SEC24B: variants seen among roughly 807,000 people sequenced by gnomAD.
SEC24B encodes protein transport protein Sec24B.
A neutral mutation model predicts 142.8 loss-of-function variants in SEC24B; 45 were observed. The observed-to-expected ratio is 0.32, with a 90% CI of 0.25 to 0.40. SEC24B has a LOEUF of 0.40. Among genes scored for constraint, SEC24B ranks in the 10% least tolerant of loss-of-function variants. The probability of loss-of-function intolerance (pLI) is 1.00; values close to 1 mark genes in which losing one functional copy is unlikely to be tolerated. For missense variants in SEC24B, 1,409 were observed against 1,526.8 expected (o/e 0.92, Z 1.29); for synonymous variants, 574 against 568.2 (o/e 1.01, Z -0.15).
chr4:109,522,113 G>T (rs187942238), intron 14 of SEC24B, among the ~76,000 whole-genome samples: 1 of 150,174 alleles, frequency 6.7e-6, no homozygotes, highest in African/African-American at 2.5e-5. Flanking sequence ...GTGCAGTGGC[G>T]CGCTCTCAGC....
At position 109,463,050 on chromosome 4, in the gene SEC24B, T is replaced by A. The variant is rs372557569; in HGVS notation, c.283T>A (p.Tyr95Asn). 2.8e-5 allele frequency: 45 copies of A among 1,614,194 alleles called. No homozygotes were observed. The African/African-American group carries it at 5.5e-4, about 20-fold the overall frequency. The stretch of plus-strand genomic sequence containing the variant: ...GTGTGGTGATTACTACTCTGCTCTC[T>A]ATACAGTACCAACACAAAATGTGAC... ...TQCGDYYSALYTVPTQNVTPN... is the reference protein window; with the variant it reads ...TQCGDYYSALNTVPTQNVTPN... Residue 95 changes from tyrosine to asparagine, a missense_variant, in exon 2 of 24, where the codon TAT becomes AAT. By Grantham distance (143) the Tyr-to-Asn change is moderately radical. Around this residue, in one of 2 missense-constraint regions of SEC24B, gnomAD observed 709 missense variants for 673.5 expected, o/e 1.05. Transcript: ENST00000265175.
chr4:109,522,287 G>A (rs1420650217), intron 14 of SEC24B, among the ~76,000 whole-genome samples: 1 of 151,928 alleles, frequency 6.6e-6, no homozygotes, highest in Admixed American at 6.6e-5. Flanking sequence ...TGCTGACCTC[G>A]TGATCCGCCC....
At chr4:109,534,337 A>G (rs553650855) in intron 22 of SEC24B, among the ~76,000 whole-genome samples, 1 of 152,146 alleles carries the variant, frequency 6.6e-6, no homozygotes, top group South Asian at 2.1e-4. Flanking sequence ...CTGTAATCCA[A>G]GCACTTAAGG....
At chr4:109,523,328 G>C (rs543334756) in intron 14 of SEC24B, among the ~76,000 whole-genome samples, 2 of 152,090 alleles carry the variant, frequency 1.3e-5, no homozygotes, top group East Asian at 3.9e-4. Flanking sequence ...AAATTAGCTG[G>C]GTGCGGTGAT....
chr4:109,528,765 C>G (rs1005001758), intron 18 of SEC24B, among the ~76,000 whole-genome samples: 2 of 152,190 alleles, frequency 1.3e-5, no homozygotes, highest in Non-Finnish European at 2.9e-5. Flanking sequence ...TGAAACAAGC[C>G]TTGCTATTTC....
At chr4:109,512,739 CT>C (rs985431097) in intron 9 of SEC24B, among the ~76,000 whole-genome samples, 3 of 151,002 alleles carry the variant, frequency 2.0e-5, no homozygotes, top group African/African-American at 7.3e-5. Context: ...ACTGCAATCT[CT>C]GCTTTCCAGG....
chr4:109,446,611 A>G (rs1166461123), intron 1 of SEC24B, among the ~76,000 whole-genome samples: 1 of 152,344 alleles, frequency 6.6e-6, no homozygotes, highest in South Asian at 2.1e-4. Flanking sequence ...ATAATGAAAT[A>G]CGATAGATTT....
chr4:109,434,913 A>G (rs1466618496), intron 1 of SEC24B, among the ~76,000 whole-genome samples: 1 of 152,156 alleles, frequency 6.6e-6, no homozygotes, highest in Non-Finnish European at 1.5e-5. Context: ...TAATGCTGAG[A>G]TTTGGAATGT....
At chr4:109,524,464 A>G (rs1723999181) in intron 14 of SEC24B, among the ~76,000 whole-genome samples, 1 of 152,182 alleles carries the variant, frequency 6.6e-6, no homozygotes, top group African/African-American at 2.4e-5. Context: ...CTCATTCTGC[A>G]GCCAGATTTC....
chr4:109,474,865 T>C (rs1732935685), intron 3 of SEC24B, among the ~76,000 whole-genome samples: 1 of 152,252 alleles, frequency 6.6e-6, no homozygotes, highest in South Asian at 2.1e-4. Context: ...ATTTTGAAAG[T>C]AGAAGAAGCT....
chr4:109,527,970 A>G (rs1328210423), intron 18 of SEC24B, among the ~76,000 whole-genome samples: 1 of 152,220 alleles, frequency 6.6e-6, no homozygotes, highest in East Asian at 1.9e-4. Flanking sequence ...TCCTTCAAAT[A>G]ATATATGCAC....
rs766217776 is a variant in SEC24B, at chr4:109,494,618, T to G, written c.1250T>G (p.Met417Arg). 49 of 1,613,906 alleles carry G rather than the reference T, an allele frequency of 3.0e-5. 1 individual carries two copies. In the South Asian group the frequency reaches 5.2e-4, roughly 17 times the overall value. ...ACCATGTGTTTCCATTTTTTAGATA[T>G]GCTTTCTTCATCAGCAAGCAGTCCT... ...DALEGGSYPDMLSSSASSPAP... is the reference protein window; with the variant it reads ...DALEGGSYPDRLSSSASSPAP... Residue 417 changes from methionine (M) to arginine (R), a missense_variant, in exon 6 of 24, where the codon ATG becomes AGG. Met to Arg is a moderately conservative substitution (Grantham distance 91). This residue lies in a region of SEC24B where 709 missense variants were observed against 673.5 expected (regional missense o/e 1.05). Transcript: ENST00000265175.
rs1732708754 is a variant in SEC24B at position 109,473,125 on chromosome 4, A to G, written c.999A>G (p.Ala333=). The G allele has an allele frequency of 1.3e-6, 2 of 1,599,982 alleles. No homozygotes were observed. The highest frequency in any genetic ancestry group is 1.7e-6 in the Non-Finnish European group (2 of 1,173,432). ...CATCAACAAGAACACCTCCCACTGCAAATCACCCAGTTGAGCCTGTGACCT... is the reference window on the plus strand; with the variant it reads ...CATCAACAAGAACACCTCCCACTGCGAATCACCCAGTTGAGCCTGTGACCT... ...GSSSTRTPPT[A]NHPVEPVTSV... is the part of the protein sequence containing the mutation. Residue 333 remains alanine (A), a synonymous_variant, in exon 3 of 24, where the codon GCA becomes GCG. Transcript: ENST00000265175.
chr4:109,449,502 G>C (rs1277688500), intron 1 of SEC24B: 1 of 455,390 alleles, frequency 2.2e-6, no homozygotes, highest in Non-Finnish European at 4.4e-6. Context: ...AAATTGCTGG[G>C]AGTACAGGTG....
intron 6 of SEC24B, among the ~76,000 whole-genome samples, chr4:109,503,155 A>T (rs1164899779): frequency 1.4e-5 from 2 of 147,128 alleles, no homozygotes; most frequent in Non-Finnish European, 3.0e-5. Context: ...TGCCTCCCAG[A>T]TTCAAGCGAT....
At chr4:109,515,479 T>G (rs552890340) in intron 10 of SEC24B, among the ~76,000 whole-genome samples, 1 of 152,262 alleles carries the variant, frequency 6.6e-6, no homozygotes, top group East Asian at 1.9e-4. Context: ...TAATTTTTAC[T>G]TGAGACAGAG....
rs1452810449 is a variant in SEC24B at position 109,530,403 on chromosome 4, C to T, written c.3191C>T (p.Ala1064Val). The T allele has an allele frequency of 6.2e-7, 1 of 1,614,144 alleles. No homozygotes were observed. The part of the protein sequence containing the change: ...GSTVSNLQHS[A>V]LMAPSSLKLF... ...ACTGTCTCAAATTTACAGCACTCTG[C>T]ATTGATGGCGCCCAGCTCCCTCAAG... Residue 1064 changes from alanine to valine, a missense_variant, in exon 19 of 24, where the codon GCA becomes GTA. Ala to Val is a moderately conservative substitution (Grantham distance 64). Coordinates refer to ENST00000265175, the MANE Select transcript of SEC24B (RefSeq NM_006323.5).
At chr4:109,533,497 T>G in intron 21 of SEC24B, 96 bp from the exon 22 acceptor site, 2 of 792,262 alleles carry the variant, frequency 2.5e-6, no homozygotes, top group Non-Finnish European at 2.2e-6. Context: ...CTCTTCTGTT[T>G]GTTTCTACCT....
intron 4 of SEC24B, among the ~76,000 whole-genome samples, chr4:109,489,272 G>C (rs1471353331): frequency 6.6e-6 from 1 of 151,958 alleles, no homozygotes; most frequent in Non-Finnish European, 1.5e-5. Flanking sequence ...TGTGGTGTAG[G>C]GAAGGGGTCC....
Sources: gnomAD v4.1 joint callset for allele counts (sites outside exome capture counted in the v4.1 genomes callset) on GRCh38, gnomAD v4.1.1 for gene constraint, gnomAD v4.1.1 regional missense constraint, MANE v1.5 for transcripts, NCBI Gene and HGNC (gene_info 2026-07-23, HGNC 2026-07-21) for gene names.